KPNA3: variants seen among roughly 807,000 people sequenced by gnomAD.
The protein encoded by KPNA3 is karyopherin subunit alpha 3.
KPNA3 carries 13 observed loss-of-function variants against 73.8 expected under a neutral mutation model. The ratio of observed to expected loss-of-function variants is 0.18; its 90% CI spans 0.11 to 0.28. The LOEUF is 0.28. Ranked by LOEUF, KPNA3 falls within the 10% of genes least tolerant of loss-of-function variation. The pLI, the probability that KPNA3 is intolerant of heterozygous loss-of-function variation, is 1.00. For missense variants in KPNA3, 360 were observed against 618.1 expected, an observed-to-expected ratio of 0.58 and a Z score of 4.43; for synonymous variants, 186 against 206.9, an observed-to-expected ratio of 0.90 and a Z score of 0.87.
At chr13:49,777,995 A>T (rs1954911186) in intron 1 of KPNA3, among the ~76,000 whole-genome samples, 1 of 152,208 alleles carries the variant, frequency 6.6e-6, no homozygotes, top group Non-Finnish European at 1.5e-5. Context: ...AATCCACATT[A>T]ACCCATATTG....
intron 1 of KPNA3, among the ~76,000 whole-genome samples, chr13:49,770,834 C>CAAAAAAAAAAAAA (rs759842886): frequency 1.2e-5 from 1 of 85,468 alleles, no homozygotes; most frequent in East Asian, 4.0e-4. Context: ...ACCCACCTAC[C>CAAAAAAAAAAAAA]AAAAAAAAAA....
chr13:49,701,401 C>A lies in KPNA3; in HGVS notation c.*399G>T. Reference sequence around the variant, plus strand: ...ACACTGCACCTCTTTAGTCTTCCAACTTGTATATGCATCATACCAAAGTGT... The same window carrying A: ...ACACTGCACCTCTTTAGTCTTCCAAATTGTATATGCATCATACCAAAGTGT... On this transcript the variant is annotated 3_prime_UTR_variant, in exon 17 of 17. Coordinates refer to ENST00000261667, the MANE Select transcript of KPNA3 (RefSeq NM_002267.4). 2.3e-6 allele frequency: 1 copy of A among 431,298 alleles called. No individual in the cohort carries two copies. The highest frequency in any genetic ancestry group is 1.7e-5 in the South Asian group (1 of 57,920). 26.7% of individuals were successfully genotyped at this position (431,298 alleles called of 1,614,324 possible).
intron 7 of KPNA3, among the ~76,000 whole-genome samples, chr13:49,724,558 C>T (rs1162393541): frequency 6.6e-6 from 1 of 152,096 alleles, no homozygotes; most frequent in Non-Finnish European, 1.5e-5. Context: ...CCACCCGCCT[C>T]GGCCTCCCAA....
intron 10 of KPNA3, among the ~76,000 whole-genome samples, chr13:49,715,018 G>T (rs1042299505): frequency 2.0e-5 from 3 of 151,860 alleles, no homozygotes; most frequent in Non-Finnish European, 4.4e-5. Flanking sequence ...TTTATTAATA[G>T]ATTTAAGGAG....
chr13:49,778,758 C>A (rs1294016452), intron 1 of KPNA3, among the ~76,000 whole-genome samples: 1 of 152,074 alleles, frequency 6.6e-6, no homozygotes, highest in Non-Finnish European at 1.5e-5. Flanking sequence ...CGGTTGTGAA[C>A]CACCATGCTT....
chr13:49,723,296 G>T (rs1484540952), intron 7 of KPNA3, among the ~76,000 whole-genome samples: 1 of 152,078 alleles, frequency 6.6e-6, no homozygotes, highest in East Asian at 1.9e-4. Context: ...TCTTGGCTGG[G>T]TATGATGGCT....
At chr13:49,754,512 C>G (rs1385654182) in intron 1 of KPNA3, among the ~76,000 whole-genome samples, 1 of 150,878 alleles carries the variant, frequency 6.6e-6, no homozygotes, top group African/African-American at 2.4e-5. Flanking sequence ...GCTTCGACAC[C>G]CTACAACATA....
chr13:49,714,667 A>C (rs1748918864), intron 10 of KPNA3, among the ~76,000 whole-genome samples: 4 of 152,182 alleles, frequency 2.6e-5, no homozygotes, highest in Admixed American at 2.0e-4. Flanking sequence ...GTTCCAGAGT[A>C]CAGAAAATGA....
chr13:49,702,076 T>A (rs552159847), intron 16 of KPNA3, among the ~76,000 whole-genome samples, 178 bp from the exon 17 acceptor site: 5 of 152,198 alleles, frequency 3.3e-5, no homozygotes, highest in Non-Finnish European at 5.9e-5. Context: ...TTTAACACGT[T>A]TCGAAACTGC....
intron 2 of KPNA3, among the ~76,000 whole-genome samples, chr13:49,744,963 A>G (rs936926084): frequency 6.6e-6 from 1 of 152,166 alleles, no homozygotes; most frequent in Non-Finnish European, 1.5e-5. Context: ...TCACCTTTGA[A>G]TGCCCAATTT....
In KPNA3 at chr13:49,784,665, A is replaced by G. The variant is rs527938838; in HGVS notation, c.69+7773T>C. On this transcript the variant is annotated intron_variant, in intron 1 of 16. Coordinates refer to ENST00000261667, the MANE Select transcript of KPNA3 (RefSeq NM_002267.4). ...CCAGAACTTTACCTGTCATAATAAAAAGCTTGGAGTTGATTTGGGAAGCAG... is the reference window on the plus strand; with the variant it reads ...CCAGAACTTTACCTGTCATAATAAAGAGCTTGGAGTTGATTTGGGAAGCAG... Among the ~76,000 whole-genome samples, 11 of 152,350 alleles carry G rather than the reference A, an allele frequency of 7.2e-5. No individual in the cohort carries two copies. The East Asian group carries it at 1.9e-3, about 27-fold the overall frequency.
At chr13:49,723,070 G>C (rs994072115) in intron 7 of KPNA3, among the ~76,000 whole-genome samples, 6 of 98,976 alleles carry the variant, frequency 6.1e-5, no homozygotes, top group Non-Finnish European at 1.3e-4. Flanking sequence ...TCAATCAACT[G>C]TGCACTACCT....
intron 1 of KPNA3, 138 bp from the exon 2 acceptor site, chr13:49,747,131 C>T (rs1954623515): frequency 1.1e-5 from 6 of 540,562 alleles, no homozygotes; most frequent in Non-Finnish European, 1.9e-5. Flanking sequence ...CACTTGAGGT[C>T]AGGAGTTCAA....
At chr13:49,767,939 A>C (rs1261593307) in intron 1 of KPNA3, among the ~76,000 whole-genome samples, 1 of 152,210 alleles carries the variant, frequency 6.6e-6, no homozygotes, top group Non-Finnish European at 1.5e-5. Context: ...CCTACCTTAC[A>C]TAGTCCAAAA....
chr13:49,747,948 G>C (rs1954632654), intron 1 of KPNA3, among the ~76,000 whole-genome samples: 2 of 151,964 alleles, frequency 1.3e-5, no homozygotes, highest in Non-Finnish European at 2.9e-5. Context: ...AGCTTAAGTA[G>C]GTCACAAGAC....
intron 1 of KPNA3, among the ~76,000 whole-genome samples, chr13:49,770,686 G>C (rs1050107810): frequency 6.6e-6 from 1 of 151,628 alleles, no homozygotes; most frequent in African/African-American, 2.4e-5. Flanking sequence ...AATCAACTTT[G>C]AGTTGGTTTT....
Position 49,700,136 on chromosome 13 carries a change from G to C in KPNA3, c.*1664C>G, listed in dbSNP as rs1256455217. 6.6e-6 allele frequency: 1 copy of C among 152,534 alleles called. No individual in the cohort carries two copies. Among genetic ancestry groups the C allele is most frequent in the Non-Finnish European group, 1.5e-5 (1 of 68,014 alleles). 9.4% of individuals were successfully genotyped at this position (152,534 alleles called of 1,614,324 possible). A position where few individuals can be genotyped will look rare whatever the true frequency, so the allele number is the denominator to read the frequency against. ...TAAACATACGCTTGTATCCACTTTAGATACAAGACAAAACTCACTCTTTAA... is the reference window on the plus strand; with the variant it reads ...TAAACATACGCTTGTATCCACTTTACATACAAGACAAAACTCACTCTTTAA... On this transcript the variant is annotated 3_prime_UTR_variant, in exon 17 of 17. Coordinates refer to ENST00000261667, the MANE Select transcript of KPNA3 (RefSeq NM_002267.4).
chr13:49,704,946 G>A (rs186714903), intron 15 of KPNA3, among the ~76,000 whole-genome samples: 1 of 152,150 alleles, frequency 6.6e-6, no homozygotes, highest in African/African-American at 2.4e-5. Context: ...GTGTTTCATT[G>A]TTAAGAAGTT....
At chr13:49,715,898 T>C (rs1954299853) in intron 10 of KPNA3, among the ~76,000 whole-genome samples, 1 of 152,348 alleles carries the variant, frequency 6.6e-6, no homozygotes, top group Non-Finnish European at 1.5e-5. Context: ...TGCCTATCCA[T>C]AATAGTGTGT....
Sources: allele counts gnomAD v4.1 joint callset (sites outside exome capture counted in the v4.1 genomes callset), GRCh38; gene constraint gnomAD v4.1.1; transcripts MANE v1.5; gene names NCBI Gene and HGNC (gene_info 2026-07-23, HGNC 2026-07-21).